SPAG16: variants seen among roughly 807,000 people sequenced by gnomAD.
SPAG16 encodes the protein sperm associated antigen 16, also known as sperm-associated antigen 16 protein.
A neutral mutation model predicts 80.4 loss-of-function variants in SPAG16; 86 were observed. The ratio of observed to expected loss-of-function variants is 1.07; its 90% CI spans 0.90 to 1.28. SPAG16 has a LOEUF of 1.28. Among genes scored for constraint, SPAG16 ranks in the 50% most tolerant of loss-of-function variants. The pLI is 0.00. For synonymous variants in SPAG16, 294 were observed against 265.9 expected (o/e 1.11, Z -1.03); for missense variants, 870 against 765.3 (o/e 1.14, Z -1.61).
intron 13 of SPAG16, among the ~76,000 whole-genome samples, chr2:214,059,315 T>C (rs2050137125): frequency 6.7e-6 from 1 of 148,930 alleles, no homozygotes; most frequent in Admixed American, 6.7e-5. Context: ...CTCAGACTTC[T>C]GAATGGTTGT....
At chr2:213,499,790 C>T (rs2125770341) in intron 10 of SPAG16, among the ~76,000 whole-genome samples, 1 of 152,142 alleles carries the variant, frequency 6.6e-6, no homozygotes, top group Non-Finnish European at 1.5e-5. Flanking sequence ...AAAAGAGGAT[C>T]CCTTTTTTTC....
At chr2:213,296,524 G>A (rs1344157403) in intron 2 of SPAG16, among the ~76,000 whole-genome samples, 1 of 152,140 alleles carries the variant, frequency 6.6e-6, no homozygotes, top group East Asian at 1.9e-4. Context: ...TATCTAATGT[G>A]GTTCCTATCT....
intron 14 of SPAG16, among the ~76,000 whole-genome samples, chr2:214,140,442 C>T (rs527848979): frequency 6.6e-6 from 1 of 152,042 alleles, no homozygotes; most frequent in South Asian, 2.1e-4. Context: ...TTGGCAAATA[C>T]TGTTTTCCAT....
intron 8 of SPAG16, among the ~76,000 whole-genome samples, chr2:213,368,812 A>T (rs140289545): frequency 6.6e-6 from 1 of 152,220 alleles, no homozygotes; most frequent in African/African-American, 2.4e-5. Context: ...TCCCATTCAC[A>T]GTTGCTTCAA....
At chr2:213,383,108 C>T (rs2067256924) in intron 9 of SPAG16, among the ~76,000 whole-genome samples, 1 of 152,046 alleles carries the variant, frequency 6.6e-6, no homozygotes, top group South Asian at 2.1e-4. Context: ...TGATTGAATT[C>T]TTGAGCAATG....
chr2:213,353,449 C>T (rs941665728), intron 7 of SPAG16, among the ~76,000 whole-genome samples: 3 of 152,130 alleles, frequency 2.0e-5, no homozygotes, highest in Admixed American at 6.6e-5. Context: ...TTCAACATGA[C>T]CTGGAGAGTA....
At chr2:213,342,327 GTGTATATATATATTACATATA>G (rs564225845) in intron 6 of SPAG16, among the ~76,000 whole-genome samples, 36,154 of 99,654 alleles carry the variant, frequency 0.36, 4,854 homozygotes, top group South Asian at 0.47. Flanking sequence ...TTACATATAT[GTGTATATATATATTACATATA>G]TGTATATATA....
intron 15 of SPAG16, among the ~76,000 whole-genome samples, chr2:214,263,964 A>G (rs1038217500): frequency 6.6e-6 from 1 of 152,222 alleles, no homozygotes; most frequent in Non-Finnish European, 1.5e-5. Flanking sequence ...AAACAGATCT[A>G]TGACAATTTA....
chr2:213,392,772 G>A (rs1348310390), intron 9 of SPAG16, among the ~76,000 whole-genome samples: 3 of 151,900 alleles, frequency 2.0e-5, no homozygotes, highest in Non-Finnish European at 4.4e-5. Flanking sequence ...CTTGAACCCG[G>A]GAGGCAGAGG....
chr2:213,378,929 C>A (rs1236867225), intron 9 of SPAG16, among the ~76,000 whole-genome samples: 1 of 152,202 alleles, frequency 6.6e-6, no homozygotes, highest in Non-Finnish European at 1.5e-5. Context: ...CTCTTTGCTA[C>A]CTCCATTGTG....
At position 213,519,420 on chromosome 2, in the gene SPAG16, G is replaced by A. The variant is rs186774016; in HGVS notation, c.1070+29330G>A. 7.9e-5 allele frequency among the ~76,000 whole-genome samples: 12 copies of A among 152,304 alleles called. 1 individual carries two copies. The highest frequency in any genetic ancestry group is 2.6e-4 in the African/African-American group (11 of 41,572). ...CATGGGGGCAGGTCTTTCCTTTGCT[G>A]TTCTCATGATAATGAATAAGTCTCA... On this transcript the variant is annotated intron_variant, in intron 10 of 15. Coordinates refer to ENST00000331683, the MANE Select transcript of SPAG16 (RefSeq NM_024532.5).
chr2:213,770,903 G>C (rs2069207489), intron 10 of SPAG16, among the ~76,000 whole-genome samples: 1 of 152,022 alleles, frequency 6.6e-6, no homozygotes, highest in Admixed American at 6.6e-5. Context: ...TTGCTATTTT[G>C]AATAGTGCTG....
intron 9 of SPAG16, among the ~76,000 whole-genome samples, chr2:213,412,118 C>T (rs578075547): frequency 6.6e-6 from 1 of 152,286 alleles, no homozygotes; most frequent in African/African-American, 2.4e-5. Flanking sequence ...TCCACCCTAA[C>T]TCATTCCGAT....
At chr2:213,893,318 G>T (rs140479638) in intron 11 of SPAG16, among the ~76,000 whole-genome samples, 2,497 of 151,946 alleles carry the variant, frequency 0.016, 32 homozygotes, top group South Asian at 0.034. Context: ...ACCAAAGAGA[G>T]TTCTTCCATC....
rs1329267387 is a variant in SPAG16 at position 213,572,808 on chromosome 2, T to TGG, written c.1070+82720_1070+82721dup. Among the ~76,000 whole-genome samples the TGG allele has an allele frequency of 2.0e-5, 3 of 152,180 alleles. No homozygotes were observed. The East Asian group carries it at 5.8e-4, about 29-fold the overall frequency. ...GCTGCTTTGTTTACCTAAGCAAGCC[T>TGG]GGGCAATGGCGGGCGCCCCTCCCCC... On this transcript the variant is annotated intron_variant, in intron 10 of 15. Transcript: ENST00000331683.
At chr2:214,024,214 G>A (rs2048024863) in intron 13 of SPAG16, among the ~76,000 whole-genome samples, 1 of 151,514 alleles carries the variant, frequency 6.6e-6, no homozygotes, top group South Asian at 2.1e-4. Context: ...CAAGCCAAAA[G>A]AAAATACCAG....
At chr2:213,688,210 T>C (rs930357204) in intron 10 of SPAG16, among the ~76,000 whole-genome samples, 1 of 152,196 alleles carries the variant, frequency 6.6e-6, no homozygotes. Flanking sequence ...ATGTTCAGGT[T>C]AAGATAAAGA....
intron 10 of SPAG16, among the ~76,000 whole-genome samples, chr2:213,530,301 C>T (rs1223206376): frequency 1.3e-5 from 2 of 152,126 alleles, no homozygotes; most frequent in East Asian, 3.8e-4. Context: ...ACCAGCATCA[C>T]AACAAACGTG....
chr2:214,366,555 G>A (rs1319448216), intron 15 of SPAG16, among the ~76,000 whole-genome samples: 3 of 152,156 alleles, frequency 2.0e-5, no homozygotes, highest in East Asian at 1.9e-4. Context: ...ATCCATAAAC[G>A]AGAATTCCAG....
Sources: gnomAD v4.1 joint callset for allele counts (sites outside exome capture counted in the v4.1 genomes callset) on GRCh38, gnomAD v4.1.1 for gene constraint, MANE v1.5 for transcripts, NCBI Gene and HGNC (gene_info 2026-07-23, HGNC 2026-07-21) for gene names.